Variants in PARD3 observed in about 807,000 individuals in gnomAD.
The protein encoded by PARD3 is partitioning defective 3 homolog.
In PARD3, 75 loss-of-function variants were observed where a neutral mutation model predicts 155.4. The ratio of observed to expected loss-of-function variants is 0.48; its 90% CI spans 0.40 to 0.58. The LOEUF (loss-of-function observed/expected upper bound fraction) is 0.58. PARD3 is among the 20% of genes least tolerant of loss of function. PARD3 has a pLI of 0.00. For missense variants in PARD3, 1,642 were observed against 1,721.7 expected, an observed-to-expected ratio of 0.95 and a Z score of 0.82; for synonymous variants, 576 against 610.5, an observed-to-expected ratio of 0.94 and a Z score of 0.83.
At chr10:34,478,225 A>AAT (rs2078840388) in intron 3 of PARD3, among the ~76,000 whole-genome samples, 1 of 152,190 alleles carries the variant, frequency 6.6e-6, no homozygotes, top group Non-Finnish European at 1.5e-5. Context: ...GATAAACTGA[A>AAT]ATATTACATT....
chr10:34,115,926 A>G (rs915984789), intron 24 of PARD3, among the ~76,000 whole-genome samples: 2 of 152,126 alleles, frequency 1.3e-5, no homozygotes, highest in Non-Finnish European at 2.9e-5. Flanking sequence ...GTTAGCCAGG[A>G]TGGTCTCGAT....
At chr10:34,242,191 A>G (rs1417351385) in intron 22 of PARD3, among the ~76,000 whole-genome samples, 2 of 152,174 alleles carry the variant, frequency 1.3e-5, no homozygotes, top group African/African-American at 2.4e-5. Context: ...ACACACTGGT[A>G]CAGCTTTATG....
chr10:34,571,614 A>G (rs1365022935), intron 2 of PARD3, among the ~76,000 whole-genome samples: 1 of 152,226 alleles, frequency 6.6e-6, no homozygotes, highest in East Asian at 1.9e-4. Flanking sequence ...AAAAAATCTT[A>G]TATATTTGGG....
intron 22 of PARD3, among the ~76,000 whole-genome samples, chr10:34,135,142 A>C (rs555514614): frequency 1.6e-5 from 2 of 127,400 alleles, no homozygotes; most frequent in South Asian, 2.5e-4. Flanking sequence ...CAGAAATCCT[A>C]ATTTACAGAT....
intron 2 of PARD3, among the ~76,000 whole-genome samples, chr10:34,603,783 T>C (rs1431360847): frequency 1.3e-5 from 2 of 152,088 alleles, no homozygotes; most frequent in African/African-American, 2.4e-5. Context: ...AATTTGCATG[T>C]GGTACTCACA....
chr10:34,448,665 G>A (rs556513819), intron 5 of PARD3, among the ~76,000 whole-genome samples: 2 of 151,994 alleles, frequency 1.3e-5, no homozygotes, highest in South Asian at 4.2e-4. Context: ...AATTAGCTGG[G>A]CATGGTGGTG....
chr10:34,525,116 CA>C (rs1212119516), intron 2 of PARD3, among the ~76,000 whole-genome samples: 2 of 152,086 alleles, frequency 1.3e-5, no homozygotes, highest in Non-Finnish European at 2.9e-5. Context: ...GACGAGTAAG[CA>C]AAAGGATATA....
chr10:34,305,850 G>C (rs1004926260), intron 20 of PARD3, among the ~76,000 whole-genome samples: 9 of 152,114 alleles, frequency 5.9e-5, no homozygotes, highest in African/African-American at 2.2e-4. Flanking sequence ...GCTGGGCATG[G>C]TGACATGCAC....
intron 3 of PARD3, among the ~76,000 whole-genome samples, chr10:34,500,493 G>A (rs1272493845): frequency 6.6e-6 from 1 of 152,186 alleles, no homozygotes; most frequent in Non-Finnish European, 1.5e-5. Flanking sequence ...TGTAATCCCA[G>A]CACTTTGGGA....
chr10:34,499,097 T>C (rs533242387), intron 3 of PARD3, among the ~76,000 whole-genome samples: 103 of 152,294 alleles, frequency 6.8e-4, no homozygotes, highest in African/African-American at 2.4e-3. Flanking sequence ...CCCCCAATGG[T>C]TACTCAATTT....
chr10:34,611,751 G>C (rs1348955191), intron 2 of PARD3, among the ~76,000 whole-genome samples: 3 of 150,888 alleles, frequency 2.0e-5, no homozygotes, highest in African/African-American at 7.3e-5. Context: ...AAAAACTGCT[G>C]AATTTATTTT....
chr10:34,558,147 C>T (rs1475834613), intron 2 of PARD3, among the ~76,000 whole-genome samples: 2 of 151,970 alleles, frequency 1.3e-5, no homozygotes, highest in East Asian at 3.9e-4. Context: ...TGCATGTGGA[C>T]TGCACATCTT....
At chr10:34,436,217 A>C (rs936158683) in intron 5 of PARD3, among the ~76,000 whole-genome samples, 1 of 152,166 alleles carries the variant, frequency 6.6e-6, no homozygotes, top group African/African-American at 2.4e-5. Context: ...AGCAAGAAGA[A>C]CCCAACTCTC....
chr10:34,405,127 T>A (rs1844321148), intron 5 of PARD3, among the ~76,000 whole-genome samples: 1 of 150,956 alleles, frequency 6.6e-6, no homozygotes, highest in African/African-American at 2.4e-5. Flanking sequence ...CTTTAAAAAC[T>A]CTTCCTCTTA....
intron 22 of PARD3, among the ~76,000 whole-genome samples, chr10:34,261,843 AACAC>A (rs147251426): frequency 6.8e-6 from 1 of 147,558 alleles, no homozygotes; most frequent in Non-Finnish European, 1.5e-5. Flanking sequence ...CAAACAAACA[AACAC>A]ACACACACTG....
intron 3 of PARD3, among the ~76,000 whole-genome samples, chr10:34,500,758 TATA>T (rs918227927): frequency 2.0e-5 from 3 of 152,040 alleles, no homozygotes; most frequent in Non-Finnish European, 2.9e-5. Flanking sequence ...TAACATAAAT[TATA>T]ATAACATAAA....
chr10:34,302,196 T>G (rs1373205702), intron 20 of PARD3, among the ~76,000 whole-genome samples: 1 of 152,164 alleles, frequency 6.6e-6, no homozygotes, highest in East Asian at 1.9e-4. Flanking sequence ...ATCTAAATGG[T>G]GTTTTTCAAA....
intron 5 of PARD3, among the ~76,000 whole-genome samples, chr10:34,408,227 T>C (rs1352226891): frequency 1.3e-5 from 2 of 150,616 alleles, no homozygotes; most frequent in Non-Finnish European, 3.0e-5. Flanking sequence ...AAAAAAAAAA[T>C]GAAAATTCTC....
intron 2 of PARD3, among the ~76,000 whole-genome samples, chr10:34,668,766 A>C (rs1590535116): frequency 6.6e-6 from 1 of 152,198 alleles, no homozygotes; most frequent in Non-Finnish European, 1.5e-5. Flanking sequence ...TGAGCCCAGG[A>C]GTTCAAGACC....
Sources: allele counts gnomAD v4.1 joint callset (sites outside exome capture counted in the v4.1 genomes callset), GRCh38; gene constraint gnomAD v4.1.1; transcripts MANE v1.5; gene names NCBI Gene and HGNC (gene_info 2026-07-23, HGNC 2026-07-21).